CNTN5: variants seen among roughly 807,000 people sequenced by gnomAD.
CNTN5 encodes the protein contactin 5.
In CNTN5, 77 loss-of-function variants were observed where a neutral mutation model predicts 129.1. The ratio of observed to expected loss-of-function variants is 0.60; its 90% CI spans 0.50 to 0.72. The LOEUF (loss-of-function observed/expected upper bound fraction) is 0.72, where lower values mean the gene tolerates loss of function less well. CNTN5 is among the 30% of genes least tolerant of loss of function. The probability of loss-of-function intolerance (pLI) is 0.00; values close to 1 mark genes in which losing one functional copy is unlikely to be tolerated. For missense variants in CNTN5, 1,478 were observed against 1,328.8 expected, an observed-to-expected ratio of 1.11 and a Z score of -1.75; for synonymous variants, 509 against 465.6, an observed-to-expected ratio of 1.09 and a Z score of -1.20.
At chr11:100,200,129 C>T (rs1948743583) in intron 15 of CNTN5, among the ~76,000 whole-genome samples, 1 of 151,888 alleles carries the variant, frequency 6.6e-6, no homozygotes, top group Non-Finnish European at 1.5e-5. Context: ...GCCTTGATGA[C>T]ACCTAAGACA....
At chr11:99,719,206 C>G (rs1165667363) in intron 3 of CNTN5, among the ~76,000 whole-genome samples, 2 of 152,064 alleles carry the variant, frequency 1.3e-5, no homozygotes, top group Non-Finnish European at 2.9e-5. Flanking sequence ...CTAGTCCCAG[C>G]TACTCAGGAG....
chr11:99,461,944 A>G (rs1314218324), intron 2 of CNTN5, among the ~76,000 whole-genome samples: 1 of 152,198 alleles, frequency 6.6e-6, no homozygotes, highest in East Asian at 1.9e-4. Context: ...TTTTAAATTG[A>G]TGCCTAAAAC....
At chr11:99,194,068 A>G (rs111429661) in intron 1 of CNTN5, among the ~76,000 whole-genome samples, 2 of 152,202 alleles carry the variant, frequency 1.3e-5, no homozygotes, top group Non-Finnish European at 2.9e-5. Flanking sequence ...ATTTTAAAAT[A>G]AGATACTTCT....
intron 1 of CNTN5, among the ~76,000 whole-genome samples, chr11:99,240,722 TATG>T (rs745663198): frequency 1.3e-5 from 2 of 152,192 alleles, no homozygotes; most frequent in Non-Finnish European, 2.9e-5. Context: ...GAATGAAAAT[TATG>T]ATATTGATCC....
chr11:99,355,192 A>G (rs181501933), intron 2 of CNTN5, among the ~76,000 whole-genome samples: 2 of 152,270 alleles, frequency 1.3e-5, no homozygotes, highest in East Asian at 1.9e-4. Context: ...TCCCTTGCAC[A>G]TATCAATGCA....
chr11:100,069,284 C>G (rs77319896), intron 10 of CNTN5, among the ~76,000 whole-genome samples: 12,520 of 152,040 alleles, frequency 0.082, 602 homozygotes, highest in East Asian at 0.19. Context: ...TTCCAAGTGG[C>G]TGGACCGATA....
intron 2 of CNTN5, among the ~76,000 whole-genome samples, chr11:99,502,451 A>G (rs1206724354): frequency 6.6e-6 from 1 of 152,106 alleles, no homozygotes; most frequent in Admixed American, 6.6e-5. Context: ...TGTTCTCATA[A>G]TAGTGAGTGA....
At chr11:99,256,613 A>G (rs1352162324) in intron 1 of CNTN5, among the ~76,000 whole-genome samples, 1 of 151,942 alleles carries the variant, frequency 6.6e-6, no homozygotes. Flanking sequence ...TTTATTACCA[A>G]TGGAAAATGA....
chr11:100,076,008 C>A (rs7939326), intron 13 of CNTN5, among the ~76,000 whole-genome samples: 1 of 151,878 alleles, frequency 6.6e-6, no homozygotes, highest in African/African-American at 2.4e-5. Flanking sequence ...GGTTGGGGGG[C>A]GGGTAGCAAA....
At position 99,511,896 on chromosome 11, in the gene CNTN5, A is replaced by G. The variant is rs540917208; in HGVS notation, c.-70-44249A>G. On this transcript the variant is annotated intron_variant, in intron 2 of 24. Transcript: ENST00000524871. ...CATAAAAAAAGAAAAATATTTTTGT[A>G]TAGCTCTACAATGCATTTGTGTTTT... Among the ~76,000 whole-genome samples, 8 of 151,510 alleles carry G rather than the reference A, an allele frequency of 5.3e-5. No homozygotes were observed. In the East Asian group the frequency reaches 1.5e-3, roughly 29 times the overall value.
chr11:99,737,713 C>T (rs1943756703), intron 3 of CNTN5, among the ~76,000 whole-genome samples: 1 of 152,110 alleles, frequency 6.6e-6, no homozygotes, highest in Admixed American at 6.5e-5. Context: ...CTTCCCATTT[C>T]ACACAAGAGT....
chr11:99,473,580 A>G (rs1476483334), intron 2 of CNTN5, among the ~76,000 whole-genome samples: 1 of 151,998 alleles, frequency 6.6e-6, no homozygotes, highest in African/African-American at 2.4e-5. Context: ...AACACTTACA[A>G]GATTCCTGTT....
intron 1 of CNTN5, among the ~76,000 whole-genome samples, chr11:99,199,450 T>C (rs570231612): frequency 6.6e-6 from 1 of 152,172 alleles, no homozygotes; most frequent in Non-Finnish European, 1.5e-5. Flanking sequence ...AATATGACAT[T>C]CTACAAATCA....
chr11:100,063,543 ACAC>A (rs989847265), intron 10 of CNTN5, among the ~76,000 whole-genome samples: 1 of 151,948 alleles, frequency 6.6e-6, no homozygotes, highest in Non-Finnish European at 1.5e-5. Flanking sequence ...AGGAGGCCAT[ACAC>A]CTTGCTTTGC....
intron 9 of CNTN5, among the ~76,000 whole-genome samples, chr11:100,023,045 G>A (rs1164792511): frequency 1.3e-5 from 2 of 151,990 alleles, no homozygotes; most frequent in East Asian, 1.9e-4. Flanking sequence ...GAGCTTCTGG[G>A]AGCCAAAATT....
At chr11:100,267,133 G>T (rs1344758395) in intron 17 of CNTN5, among the ~76,000 whole-genome samples, 1 of 151,996 alleles carries the variant, frequency 6.6e-6, no homozygotes, top group South Asian at 2.1e-4. Flanking sequence ...AGTCAACTCA[G>T]GCTGCTATAA....
intron 9 of CNTN5, among the ~76,000 whole-genome samples, chr11:100,007,019 G>T (rs558280873): frequency 2.0e-5 from 3 of 152,184 alleles, no homozygotes; most frequent in South Asian, 4.1e-4. Flanking sequence ...GAGATGCATT[G>T]TCAATGGACA....
intron 1 of CNTN5, among the ~76,000 whole-genome samples, chr11:99,298,512 A>G (rs1864485122): frequency 1.3e-5 from 2 of 152,190 alleles, no homozygotes; most frequent in East Asian, 1.9e-4. Flanking sequence ...TTGTCTGGCT[A>G]TTAAGCTAGG....
chr11:99,227,127 G>A (rs978433336), intron 1 of CNTN5, among the ~76,000 whole-genome samples: 1 of 152,030 alleles, frequency 6.6e-6, no homozygotes, highest in East Asian at 1.9e-4. Flanking sequence ...TTGGGAGGCC[G>A]AGGTGGGTGG....
Sources: allele counts gnomAD v4.1 joint callset (sites outside exome capture counted in the v4.1 genomes callset), GRCh38; gene constraint gnomAD v4.1.1; transcripts MANE v1.5; gene names NCBI Gene and HGNC (gene_info 2026-07-23, HGNC 2026-07-21).